AVEN: variants seen among roughly 807,000 people sequenced by gnomAD.
AVEN encodes cell death regulator Aven.
AVEN carries 41 observed loss-of-function variants against 38.1 expected under a neutral mutation model. That is an observed-to-expected ratio of 1.08 (90% CI 0.84 to 1.40). The LOEUF (loss-of-function observed/expected upper bound fraction) is 1.40. AVEN is among the 40% of genes most tolerant of loss of function. AVEN has a pLI of 0.00. For synonymous variants in AVEN, 206 were observed against 171.8 expected, an observed-to-expected ratio of 1.20 and a Z score of -1.56; for missense variants, 605 against 438.8, an observed-to-expected ratio of 1.38 and a Z score of -3.38.
At chr15:34,007,825 C>A (rs1897424650) in intron 1 of AVEN, among the ~76,000 whole-genome samples, 1 of 152,180 alleles carries the variant, frequency 6.6e-6, no homozygotes, top group South Asian at 2.1e-4. Context: ...GAGGGAGAAT[C>A]TATTCCATGA....
At chr15:33,946,375 C>T (rs1031331007) in intron 2 of AVEN, among the ~76,000 whole-genome samples, 5 of 152,132 alleles carry the variant, frequency 3.3e-5, no homozygotes, top group African/African-American at 1.2e-4. Flanking sequence ...TCCTGTCCAA[C>T]ACAATAAATC....
chr15:34,044,804 A>G (rs988500469), intron 5 of AVEN, among the ~76,000 whole-genome samples: 12 of 152,226 alleles, frequency 7.9e-5, no homozygotes, highest in African/African-American at 2.9e-4. Context: ...TAATCCCAGC[A>G]CTTTGGGAGG....
chr15:33,991,667 G>A (rs1295159696), intron 2 of AVEN: 1 of 152,112 alleles, frequency 6.6e-6, no homozygotes, highest in South Asian at 2.1e-4. Flanking sequence ...TTTATCAGTA[G>A]AGCAAAAGAG....
chr15:33,864,848 A>G, downstream of AVEN: 1 of 354,038 alleles, frequency 2.8e-6, no homozygotes, highest in Non-Finnish European at 5.1e-6. Flanking sequence ...CTTATTGCTA[A>G]ATCTTTAAGT....
At position 33,900,376 on chromosome 15, in the gene AVEN, C is replaced by T. The variant is rs193157652; in HGVS notation, c.446-24381G>A. ...AGGCTGGAGTGCAGTGGCATGATCA[C>T]AGCTTACTGCAGCCTCAACCTCCCA... On this transcript the variant is annotated intron_variant, in intron 2 of 5. Transcript: ENST00000306730. 2.4e-3 allele frequency among the ~76,000 whole-genome samples: 369 copies of T among 151,422 alleles called. 2 individuals carry two copies. The highest frequency in any genetic ancestry group is 2.5e-3 in the Non-Finnish European group (171 of 67,942).
intron 2 of AVEN, among the ~76,000 whole-genome samples, chr15:33,951,415 G>C (rs1463238347): frequency 6.6e-6 from 1 of 151,954 alleles, no homozygotes. Flanking sequence ...GCCTGTCAAG[G>C]GGTGGGGGAG....
intron 2 of AVEN, among the ~76,000 whole-genome samples, chr15:33,973,966 A>T (rs1249966717): frequency 6.6e-6 from 1 of 152,228 alleles, no homozygotes; most frequent in Non-Finnish European, 1.5e-5. Flanking sequence ...TAACTGCAGA[A>T]AAGTCTAATG....
chr15:33,941,626 C>T (rs377470588), intron 2 of AVEN, among the ~76,000 whole-genome samples: 4 of 151,730 alleles, frequency 2.6e-5, no homozygotes, highest in Admixed American at 1.3e-4. Flanking sequence ...AATTAAAATA[C>T]AAAGTGAGAA....
At chr15:33,922,145 C>T (rs1010160268) in intron 2 of AVEN, among the ~76,000 whole-genome samples, 8 of 152,128 alleles carry the variant, frequency 5.3e-5, no homozygotes, top group Non-Finnish European at 1.2e-4. Context: ...TGGAATCTTT[C>T]AATATAGGGA....
At chr15:33,887,182 G>A (rs1597193425) in intron 2 of AVEN, among the ~76,000 whole-genome samples, 1 of 152,018 alleles carries the variant, frequency 6.6e-6, no homozygotes, top group East Asian at 1.9e-4. Context: ...CAGAGAAAAA[G>A]GGAGAATGAC....
chr15:34,044,754 G>A (rs1021800770), intron 5 of AVEN, among the ~76,000 whole-genome samples: 7 of 152,110 alleles, frequency 4.6e-5, no homozygotes, highest in African/African-American at 1.4e-4. Context: ...CTGTCCTATA[G>A]CAATACAGTA....
chr15:33,940,842 G>A (rs556003594), intron 2 of AVEN, among the ~76,000 whole-genome samples: 24 of 152,134 alleles, frequency 1.6e-4, no homozygotes, highest in Non-Finnish European at 2.9e-4. Context: ...ACCCAGCCAC[G>A]ATATGAAATT....
At chr15:33,859,619 C>T (rs1426413959) in intron 11 of AVEN, 2 of 1,614,008 alleles carry the variant, frequency 1.2e-6, no homozygotes, top group Non-Finnish European at 1.7e-6. Flanking sequence ...CAGGAGGTGG[C>T]ATTGGTGATG....
rs147030442 is a variant in AVEN at position 33,938,193 on chromosome 15, C to T, written c.446-62198G>A. 5.8e-3 allele frequency among the ~76,000 whole-genome samples: 881 copies of T among 152,120 alleles called. 6 individuals carry two copies. The highest frequency in any genetic ancestry group is 0.02 in the African/African-American group (841 of 41,522). On this transcript the variant is annotated intron_variant, in intron 2 of 5. Transcript: ENST00000306730. ...AAACCTGGCCAGTCGCGGTGGCTCA[C>T]GCCTGTAATCCCATTACTTTGGGAG...
chr15:34,010,933 C>G (rs1280857518), intron 1 of AVEN, among the ~76,000 whole-genome samples: 1 of 152,142 alleles, frequency 6.6e-6, no homozygotes, highest in East Asian at 1.9e-4. Context: ...CAACAACTTA[C>G]ACTACTTTTT....
At chr15:33,985,915 T>C (rs1896426609) in intron 2 of AVEN, among the ~76,000 whole-genome samples, 1 of 152,144 alleles carries the variant, frequency 6.6e-6, no homozygotes, top group Non-Finnish European at 1.5e-5. Flanking sequence ...GGTTCATGAT[T>C]CTCTCAAGGG....
At chr15:33,862,940 ATAACT>A (rs1888956976), downstream of AVEN, among the ~76,000 whole-genome samples, 1 of 152,250 alleles carries the variant, frequency 6.6e-6, no homozygotes, top group African/African-American at 2.4e-5. Flanking sequence ...TTTTAAAAAG[ATAACT>A]TTACTGTGCC....
At chr15:33,928,941 G>C (rs1457677610) in intron 2 of AVEN, among the ~76,000 whole-genome samples, 1 of 152,086 alleles carries the variant, frequency 6.6e-6, no homozygotes, top group Non-Finnish European at 1.5e-5. Context: ...TACTACCTAA[G>C]ATGTTCCTAC....
intron 1 of AVEN, among the ~76,000 whole-genome samples, chr15:34,072,103 CA>C (rs1442758870): frequency 6.7e-6 from 1 of 149,894 alleles, no homozygotes; most frequent in African/African-American, 2.5e-5. Context: ...TTATCTCTAC[CA>C]AAAAAAAGTT....
Sources: allele counts gnomAD v4.1 joint callset (sites outside exome capture counted in the v4.1 genomes callset), GRCh38; gene constraint gnomAD v4.1.1; transcripts MANE v1.5; gene names NCBI Gene and HGNC (gene_info 2026-07-23, HGNC 2026-07-21).